WRAP53: variants seen among roughly 807,000 people sequenced by gnomAD.
WRAP53 encodes WD repeat containing antisense to TP53, also known as telomerase Cajal body protein 1.
A neutral mutation model predicts 56.6 loss-of-function variants in WRAP53; 28 were observed. The observed-to-expected ratio is 0.50, with a 90% CI of 0.37 to 0.68. WRAP53 has a LOEUF of 0.68. Ranked by LOEUF, WRAP53 falls within the 30% of genes least tolerant of loss-of-function variation. WRAP53 has a pLI of 0.00. For missense variants in WRAP53, 671 were observed against 715.5 expected (o/e 0.94, Z 0.71); for synonymous variants, 283 against 283.4 (o/e 1.00, Z 0.01).
chr17:7,693,503 G>C (rs2151089351), intron 4 of WRAP53, among the ~76,000 whole-genome samples: 1 of 152,064 alleles, frequency 6.6e-6, no homozygotes, highest in South Asian at 2.1e-4. Flanking sequence ...TGGATCGCCT[G>C]AGGTCAGGAA....
chr17:7,701,864 G>A lies in WRAP53; in HGVS notation c.955+75G>A, dbSNP rs1167480051. On this transcript the variant is annotated intron_variant, in intron 7 of 10. Coordinates refer to ENST00000396463, the MANE Select transcript of WRAP53 (RefSeq NM_001143992.2). This position sits in a 1 kb window ranked among gnomAD's most constrained non-coding sequence, Gnocchi z 4.2. ...CTGCACAGGGGCCTTTTGTGAGCCG[G>A]GGGCCACCTGTGGGGGTTCACGCCG... 3 of 1,562,686 alleles carry A rather than the reference G, an allele frequency of 1.9e-6. No individual in the cohort carries two copies. In the South Asian group the frequency reaches 3.5e-5, roughly 18 times the overall value.
At chr17:7,686,715 T>C (rs981357915), upstream of WRAP53, 1 of 152,274 alleles carries the variant, frequency 6.6e-6, no homozygotes, top group Non-Finnish European at 1.5e-5. Context: ...ATAACAGGGC[T>C]GCCGGGCCTC....
chr17:7,688,471 G>A (rs1202790222), upstream of WRAP53: 7 of 681,078 alleles, frequency 1.0e-5, no homozygotes, highest in African/African-American at 1.8e-5. Context: ...CGGTGCTAAG[G>A]AACACAGTGC....
Position 7,702,026 on chromosome 17 carries a change from T to C in WRAP53, c.955+237T>C. ...CTTCCTGAACTCATACCCTGTCAGCTGTGGAGCTTTTGGTCTCTGAAATCT... is the reference window on the plus strand; with the variant it reads ...CTTCCTGAACTCATACCCTGTCAGCCGTGGAGCTTTTGGTCTCTGAAATCT... On this transcript the variant is annotated intron_variant, in intron 7 of 10. Coordinates refer to ENST00000396463, the MANE Select transcript of WRAP53 (RefSeq NM_001143992.2). The surrounding 1 kb of genome is among the most constrained non-coding windows in gnomAD (Gnocchi z 5.0). The C allele has an allele frequency of 4.0e-6, 3 of 756,182 alleles. No homozygotes were observed. The highest frequency in any genetic ancestry group is 6.9e-6 in the Non-Finnish European group (3 of 436,656). 46.8% of individuals were successfully genotyped at this position (756,182 alleles called of 1,614,324 possible). A position where few individuals can be genotyped will look rare whatever the true frequency, so the allele number is the denominator to read the frequency against.
intron 4 of WRAP53, among the ~76,000 whole-genome samples, chr17:7,699,470 A>ATATT (rs1567577306): frequency 1.2e-3 from 16 of 13,510 alleles, no homozygotes; most frequent in South Asian, 2.7e-3. Flanking sequence ...ATATATATAT[A>ATATT]TATATTTATA....
chr17:7,688,628 C>T lies in WRAP53; in HGVS notation c.-1-20C>T, dbSNP rs1453436073. On this transcript the variant is annotated intron_variant, in intron 1 of 10. Transcript: ENST00000396463. Reference sequence around the variant, plus strand: ...AAGCCATCCTGGCTGAGGCTAATCTCCGCTGTGCTTCCTCTGCAGTATGAA... The same window carrying T: ...AAGCCATCCTGGCTGAGGCTAATCTTCGCTGTGCTTCCTCTGCAGTATGAA... 2 of 1,613,990 alleles carry T rather than the reference C, an allele frequency of 1.2e-6. No homozygotes were observed. Among genetic ancestry groups the T allele is most frequent in the South Asian group, 1.1e-5 (1 of 91,058 alleles).
chr17:7,702,709 G>T lies in WRAP53; in HGVS notation c.1165-34G>T. 6.2e-7 allele frequency: 1 copy of T among 1,609,892 alleles called. No homozygotes were observed. ...GGGAGGCAGGGACATCCAGGGCTTTGGGGGTGACTCCAGGTCCTGTTCCTT... is the reference window on the plus strand; with the variant it reads ...GGGAGGCAGGGACATCCAGGGCTTTTGGGGTGACTCCAGGTCCTGTTCCTT... On this transcript the variant is annotated intron_variant, in intron 8 of 10. Coordinates refer to ENST00000396463, the MANE Select transcript of WRAP53 (RefSeq NM_001143992.2). The surrounding 1 kb of genome is among the most constrained non-coding windows in gnomAD (Gnocchi z 5.0).
At chr17:7,689,379 A>C in intron 3 of WRAP53, 57 bp downstream of exon 3, 1 of 1,570,404 alleles carries the variant, frequency 6.4e-7, no homozygotes, top group Non-Finnish European at 8.7e-7. Flanking sequence ...ACTGTAAAAC[A>C]GTCCAGTTTT....
chr17:7,693,154 C>T (rs1597409319), intron 4 of WRAP53, among the ~76,000 whole-genome samples: 1 of 123,700 alleles, frequency 8.1e-6, no homozygotes, highest in Non-Finnish European at 1.6e-5. Flanking sequence ...TGGGCCTTCT[C>T]CTCCTCCATC....
In WRAP53 at chr17:7,702,235, A is replaced by C; in HGVS notation, c.956-109A>C. ...GCTTGTGACAGACAGCATGGGGGGG[A>C]TGTTGAGTCCAAGCATGTTGGTGCT... On this transcript the variant is annotated intron_variant, in intron 7 of 10. Transcript: ENST00000396463. The surrounding 1 kb of genome is among the most constrained non-coding windows in gnomAD (Gnocchi z 5.0). 1 of 1,142,800 alleles carries C rather than the reference A, an allele frequency of 8.8e-7. No homozygotes were observed. 70.8% of individuals were successfully genotyped at this position (1,142,800 alleles called of 1,614,324 possible). A position where few individuals can be genotyped will look rare whatever the true frequency, so the allele number is the denominator to read the frequency against.
At position 7,689,020 on chromosome 17, in the gene WRAP53, G is replaced by A. The variant is rs770583524; in HGVS notation, c.372G>A (p.Gly124=). The A allele has an allele frequency of 1.2e-6, 2 of 1,614,196 alleles. No homozygotes were observed. Among genetic ancestry groups the A allele is most frequent in the Non-Finnish European group, 1.7e-6 (2 of 1,180,026 alleles). The stretch of plus-strand genomic sequence containing the variant: ...AAGAAGCGAACGGGCCAGAGTTGGG[G>A]TCTGGAAAAGCCATGGAAGATACCT... ...SEEEANGPEL[G]SGKAMEDTSG... Residue 124 remains glycine, a synonymous_variant, in exon 2 of 11, where the codon GGG becomes GGA. Transcript: ENST00000396463.
chr17:7,691,243 A>AACAC (rs995961174), intron 4 of WRAP53, among the ~76,000 whole-genome samples: 30 of 146,926 alleles, frequency 2.0e-4, no homozygotes, highest in South Asian at 2.1e-4. Context: ...CAAACAAACA[A>AACAC]ACACAAAACA....
rs773908331 is a variant in WRAP53, at chr17:7,700,753, C to T, written c.655C>T (p.Arg219Ter). The change falls in exon 5 of 11, where the codon CGA becomes TGA. Residue 219 changes from arginine (R) to a stop codon, truncating the protein, a stop_gained. Transcript: ENST00000396463. LOFTEE classifies it high-confidence loss of function. ...VEYAEMVPVL[R>*]MVEGDTIYDY... is the part of the protein sequence containing the mutation. ...CGTCTCTGTATAGGTCCCTGTCCTT[C>T]GAATGGTGGAAGGTGATACCATCTA... 6.2e-6 allele frequency: 10 copies of T among 1,612,354 alleles called. No homozygotes were observed. Among genetic ancestry groups the T allele is most frequent in the African/African-American group, 1.3e-5 (1 of 74,928 alleles).
rs2074290791 is a variant in WRAP53, at chr17:7,702,641, T to A, written c.1164+89T>A. ...TGCAGTGTAGGGGAATGGGTGGGGATGGGGAAAAAATCCCAAGCTGAAGGA... is the reference window on the plus strand; with the variant it reads ...TGCAGTGTAGGGGAATGGGTGGGGAAGGGGAAAAAATCCCAAGCTGAAGGA... On this transcript the variant is annotated intron_variant, in intron 8 of 10. Coordinates refer to ENST00000396463, the MANE Select transcript of WRAP53 (RefSeq NM_001143992.2). The surrounding 1 kb of genome is among the most constrained non-coding windows in gnomAD (Gnocchi z 5.0). 6.3e-7 allele frequency: 1 copy of A among 1,596,164 alleles called. No homozygotes were observed.
intron 4 of WRAP53, among the ~76,000 whole-genome samples, chr17:7,698,327 A>G (rs1942838270): frequency 6.6e-6 from 1 of 152,196 alleles, no homozygotes; most frequent in African/African-American, 2.4e-5. Flanking sequence ...GTTTGAATAT[A>G]TTCATGAGTA....
chr17:7,699,087 C>A (rs972183567), intron 4 of WRAP53, among the ~76,000 whole-genome samples: 4 of 150,816 alleles, frequency 2.7e-5, no homozygotes, highest in African/African-American at 9.9e-5. Context: ...GTCTAAAGAC[C>A]TGCAAGACAA....
rs951210136 is a variant in WRAP53, at chr17:7,702,013, A to T, written c.955+224A>T. Reference sequence around the variant, plus strand: ...AAAGGACTGCTTCCTTCCTGAACTCATACCCTGTCAGCTGTGGAGCTTTTG... The same window carrying T: ...AAAGGACTGCTTCCTTCCTGAACTCTTACCCTGTCAGCTGTGGAGCTTTTG... On this transcript the variant is annotated intron_variant, in intron 7 of 10. Coordinates refer to ENST00000396463, the MANE Select transcript of WRAP53 (RefSeq NM_001143992.2). The surrounding 1 kb of genome is among the most constrained non-coding windows in gnomAD (Gnocchi z 5.0). 9.1e-6 allele frequency: 7 copies of T among 770,038 alleles called. No individual in the cohort carries two copies. The highest frequency in any genetic ancestry group is 1.6e-5 in the Non-Finnish European group (7 of 448,156). The allele number at this position is 770,038 out of a possible 1,614,324, so 47.7% of individuals were successfully genotyped here.
intron 4 of WRAP53, among the ~76,000 whole-genome samples, chr17:7,698,787 A>T (rs1031389503): frequency 1.3e-5 from 2 of 152,038 alleles, no homozygotes; most frequent in Non-Finnish European, 2.9e-5. Flanking sequence ...TGAGGCAGAG[A>T]ATTGCTTGAG....
At chr17:7,691,442 T>C (rs1379544174) in intron 4 of WRAP53, among the ~76,000 whole-genome samples, 1 of 143,338 alleles carries the variant, frequency 7.0e-6, no homozygotes, top group African/African-American at 2.7e-5. Context: ...CAGGCTGGAG[T>C]GCAATGGCGT....
Sources: allele counts gnomAD v4.1 joint callset (sites outside exome capture counted in the v4.1 genomes callset), GRCh38; gene constraint gnomAD v4.1.1; non-coding constraint Gnocchi (gnomAD v3.1); transcripts MANE v1.5; gene names NCBI Gene and HGNC (gene_info 2026-07-23, HGNC 2026-07-21).